The following DPYD variants were observed in gnomAD, a reference collection of about 807,000 sequenced individuals.
The protein encoded by DPYD is dihydropyrimidine dehydrogenase [NADP(+)].
A neutral mutation model predicts 116.2 loss-of-function variants in DPYD; 109 were observed. The ratio of observed to expected loss-of-function variants is 0.94; its 90% CI spans 0.80 to 1.10. The LOEUF (loss-of-function observed/expected upper bound fraction) is 1.10. Ranked by LOEUF, DPYD falls within the 50% of genes least tolerant of loss-of-function variation. DPYD has a pLI of 0.00. For missense variants in DPYD, 1,302 were observed against 1,254.5 expected (o/e 1.04, Z -0.57); for synonymous variants, 440 against 432.0 (o/e 1.02, Z -0.23).
intron 14 of DPYD, among the ~76,000 whole-genome samples, chr1:97,418,253 T>G (rs1200842003): frequency 6.6e-6 from 1 of 152,128 alleles, no homozygotes; most frequent in Non-Finnish European, 1.5e-5. Flanking sequence ...AGCTTACTTT[T>G]GTTGTTTTGC....
intron 20 of DPYD, among the ~76,000 whole-genome samples, chr1:97,154,941 G>A (rs934173093): frequency 1.3e-5 from 2 of 152,048 alleles, no homozygotes; most frequent in East Asian, 1.9e-4. Flanking sequence ...ACAAAAACAC[G>A]TGTCTAGGTA....
chr1:97,289,369 G>A (rs1665968490), intron 18 of DPYD, among the ~76,000 whole-genome samples: 2 of 152,128 alleles, frequency 1.3e-5, no homozygotes, highest in South Asian at 4.1e-4. Flanking sequence ...CCAAAGCCGG[G>A]CAGAGACACA....
intron 3 of DPYD, among the ~76,000 whole-genome samples, chr1:97,802,780 C>T (rs1349838762): frequency 6.6e-6 from 1 of 151,838 alleles, no homozygotes; most frequent in Non-Finnish European, 1.5e-5. Flanking sequence ...AATCCTTTTT[C>T]TCCTATGCTA....
intron 8 of DPYD, among the ~76,000 whole-genome samples, chr1:97,646,424 T>G (rs1248043553): frequency 5.9e-5 from 9 of 152,078 alleles, no homozygotes; most frequent in African/African-American, 1.2e-4. Context: ...TTTTAGTGAT[T>G]ATGTTGTTTG....
chr1:97,349,023 G>A (rs74104374), intron 16 of DPYD, among the ~76,000 whole-genome samples: 1 of 152,136 alleles, frequency 6.6e-6, no homozygotes, highest in Non-Finnish European at 1.5e-5. Context: ...TTACAGAAAA[G>A]CTACGGAGTA....
intron 1 of DPYD, among the ~76,000 whole-genome samples, chr1:97,895,027 C>T (rs572481016): frequency 1.3e-5 from 2 of 151,822 alleles, no homozygotes; most frequent in Non-Finnish European, 3.0e-5. Flanking sequence ...GGGATTATTA[C>T]GTTACCAAAA....
At chr1:97,079,832 A>G (rs1649030736) in intron 22 of DPYD, among the ~76,000 whole-genome samples, 1 of 151,916 alleles carries the variant, frequency 6.6e-6, no homozygotes, top group African/African-American at 2.4e-5. Flanking sequence ...GGATTTTGAG[A>G]AATTTTACAA....
intron 10 of DPYD, among the ~76,000 whole-genome samples, chr1:97,581,966 T>C (rs1653714426): frequency 6.6e-6 from 1 of 152,096 alleles, no homozygotes; most frequent in African/African-American, 2.4e-5. Flanking sequence ...CTCTATGTAA[T>C]ATGTAAACAT....
chr1:97,385,886 C>T (rs1156976880), intron 14 of DPYD, among the ~76,000 whole-genome samples: 4 of 152,110 alleles, frequency 2.6e-5, no homozygotes, highest in African/African-American at 9.7e-5. Flanking sequence ...GCTATTTTTG[C>T]TTCAAATTTA....
chr1:97,759,498 T>G (rs1665456873), intron 3 of DPYD, among the ~76,000 whole-genome samples: 1 of 152,172 alleles, frequency 6.6e-6, no homozygotes, highest in Non-Finnish European at 1.5e-5. Context: ...GCCATCAAGT[T>G]ACACATAACA....
intron 16 of DPYD, among the ~76,000 whole-genome samples, chr1:97,361,040 A>G (rs1180078204): frequency 2.0e-5 from 3 of 152,122 alleles, no homozygotes; most frequent in Non-Finnish European, 4.4e-5. Flanking sequence ...AAGATCAACA[A>G]AATTGATAGA....
At chr1:97,902,421 T>C (rs1400994561) in intron 1 of DPYD, among the ~76,000 whole-genome samples, 3 of 151,812 alleles carry the variant, frequency 2.0e-5, no homozygotes, top group Non-Finnish European at 2.9e-5. Context: ...ATAAATAATA[T>C]AGACCAGAGA....
intron 12 of DPYD, among the ~76,000 whole-genome samples, chr1:97,532,617 G>A (rs2102028426): frequency 6.6e-6 from 1 of 152,136 alleles, no homozygotes; most frequent in South Asian, 2.1e-4. Context: ...TAGGTTGTAT[G>A]TTTTTAGGAA....
At chr1:97,467,466 T>C (rs186311012) in intron 13 of DPYD, among the ~76,000 whole-genome samples, 3 of 152,334 alleles carry the variant, frequency 2.0e-5, no homozygotes, top group Non-Finnish European at 4.4e-5. Flanking sequence ...ATGTATTGAT[T>C]TACAATTTTG....
At chr1:97,510,673 T>C (rs1228951250) in intron 13 of DPYD, among the ~76,000 whole-genome samples, 1 of 151,990 alleles carries the variant, frequency 6.6e-6, no homozygotes, top group Non-Finnish European at 1.5e-5. Flanking sequence ...TCTATGCATG[T>C]CCCTTTGTAA....
chr1:97,313,767 C>T (rs543656114), intron 16 of DPYD, among the ~76,000 whole-genome samples: 80 of 151,990 alleles, frequency 5.3e-4, no homozygotes, highest in African/African-American at 1.8e-3. Flanking sequence ...CTCTTTAGTG[C>T]TCCTATAATG....
intron 21 of DPYD, among the ~76,000 whole-genome samples, chr1:97,096,483 T>C (rs899336925): frequency 2.0e-5 from 3 of 152,138 alleles, no homozygotes; most frequent in Non-Finnish European, 2.9e-5. Flanking sequence ...AGAATTCCTA[T>C]TGAGAGGTGA....
intron 13 of DPYD, among the ~76,000 whole-genome samples, chr1:97,494,819 C>A (rs1198165047): frequency 6.6e-6 from 1 of 151,762 alleles, no homozygotes; most frequent in African/African-American, 2.4e-5. Flanking sequence ...AAGAAAGCTT[C>A]CAGGGTGGGT....
At chr1:97,187,439 TGTTGA>T (rs1482100455) in intron 20 of DPYD, among the ~76,000 whole-genome samples, 3 of 152,290 alleles carry the variant, frequency 2.0e-5, no homozygotes, top group Admixed American at 2.0e-4. Flanking sequence ...TTGTTGTTGT[TGTTGA>T]GTTGTTTGAG....
Sources: gnomAD v4.1 joint callset for allele counts (sites outside exome capture counted in the v4.1 genomes callset) on GRCh38, gnomAD v4.1.1 for gene constraint, MANE v1.5 for transcripts, NCBI Gene and HGNC (gene_info 2026-07-23, HGNC 2026-07-21) for gene names.